The following BMPR1A variants were observed in gnomAD, a reference collection of about 807,000 sequenced individuals.
BMPR1A encodes bone morphogenetic protein receptor type-1A.
BMPR1A carries 7 observed loss-of-function variants against 66.0 expected under a neutral mutation model. The ratio of observed to expected loss-of-function variants is 0.11; its 90% CI spans 0.06 to 0.20. The LOEUF is 0.20. Ranked by LOEUF, BMPR1A falls within the 10% of genes least tolerant of loss-of-function variation. BMPR1A has a pLI of 1.00. For missense variants in BMPR1A, 408 were observed against 669.1 expected (o/e 0.61, Z 4.31); for synonymous variants, 200 against 229.7 (o/e 0.87, Z 1.17).
intron 3 of BMPR1A, among the ~76,000 whole-genome samples, chr10:86,880,153 A>C (rs4934279): frequency 0.52 from 78,807 of 152,012 alleles, 22,568 homozygotes; most frequent in East Asian, 0.78. Context: ...ATATCTTTGG[A>C]AGTACAGTTC....
At chr10:86,921,244 A>T (rs1028993264) in intron 10 of BMPR1A, among the ~76,000 whole-genome samples, 1 of 152,084 alleles carries the variant, frequency 6.6e-6, no homozygotes, top group Admixed American at 6.6e-5. Flanking sequence ...TGAGGTGTGT[A>T]TTGCCCTTAT....
At position 86,919,449 on chromosome 10, in the gene BMPR1A, C is replaced by G. The variant is rs786203626; in HGVS notation, c.1146C>G (p.Gly382=). 6.2e-7 allele frequency: 1 copy of G among 1,613,396 alleles called. No homozygotes were observed. Among genetic ancestry groups the G allele is most frequent in the East Asian group, 2.2e-5 (1 of 44,886 alleles). Residue 382 remains glycine, a synonymous_variant, in exon 10 of 13, where the codon GGC becomes GGG. Coordinates refer to ENST00000372037, the MANE Select transcript of BMPR1A (RefSeq NM_004329.3). ...GGAGTTGCTGCATTGCTGACCTGGG[C>G]CTTGCTGTTAAATTCAACAGGTGAG... is the stretch of plus-strand genomic sequence containing the variant. ...KNGSCCIADL[G]LAVKFNSDTN...
At chr10:86,801,961 C>G (rs1841817983) in intron 1 of BMPR1A, among the ~76,000 whole-genome samples, 1 of 151,954 alleles carries the variant, frequency 6.6e-6, no homozygotes, top group Non-Finnish European at 1.5e-5. Context: ...TGATCTGCCC[C>G]CCTCCGCCTT....
At chr10:86,877,654 T>C (rs1288403550) in intron 3 of BMPR1A, among the ~76,000 whole-genome samples, 2 of 152,244 alleles carry the variant, frequency 1.3e-5, no homozygotes, top group African/African-American at 4.8e-5. Context: ...AAAGCCACTT[T>C]TACTTGTGAA....
chr10:86,908,375 A>G (rs1843427072), intron 7 of BMPR1A, among the ~76,000 whole-genome samples: 2 of 152,236 alleles, frequency 1.3e-5, no homozygotes, highest in African/African-American at 4.8e-5. Flanking sequence ...ACATTGAAAT[A>G]AAGACATACT....
chr10:86,793,776 T>C (rs1337458794), intron 1 of BMPR1A, among the ~76,000 whole-genome samples: 4 of 152,214 alleles, frequency 2.6e-5, no homozygotes, highest in Non-Finnish European at 5.9e-5. Flanking sequence ...TATTATCTTA[T>C]GGTTCTGCAG....
chr10:86,778,747 C>T (rs931676315), intron 1 of BMPR1A, among the ~76,000 whole-genome samples: 3 of 151,198 alleles, frequency 2.0e-5, no homozygotes, highest in Non-Finnish European at 2.9e-5. Flanking sequence ...TCTCCCTGTC[C>T]CTCCCTTTCC....
chr10:86,831,463 T>C (rs1405726932), intron 1 of BMPR1A, among the ~76,000 whole-genome samples: 1 of 152,236 alleles, frequency 6.6e-6, no homozygotes, highest in African/African-American at 2.4e-5. Context: ...TTCTTTTTTA[T>C]ATAACAGTGG....
At chr10:86,855,872 C>A (rs1396476852) in intron 2 of BMPR1A, 2 of 728,086 alleles carry the variant, frequency 2.7e-6, no homozygotes, top group East Asian at 2.5e-5. Flanking sequence ...GCTGGAAGAA[C>A]AATTGCTAGA....
intron 2 of BMPR1A, among the ~76,000 whole-genome samples, chr10:86,847,986 C>T (rs1488377162): frequency 6.6e-6 from 1 of 151,038 alleles, no homozygotes; most frequent in African/African-American, 2.4e-5. Context: ...AGTTGGAGTA[C>T]AGTGGTGCCA....
intron 1 of BMPR1A, among the ~76,000 whole-genome samples, chr10:86,810,106 G>T (rs909579834): frequency 6.6e-6 from 1 of 151,932 alleles, no homozygotes; most frequent in Admixed American, 6.6e-5. Flanking sequence ...GAGTAGCTGA[G>T]ATTACAGGCG....
At chr10:86,845,170 T>C (rs1019691055) in intron 2 of BMPR1A, among the ~76,000 whole-genome samples, 2 of 152,194 alleles carry the variant, frequency 1.3e-5, no homozygotes, top group African/African-American at 4.8e-5. Context: ...GAAAAAGACT[T>C]ACTGGCTGAT....
intron 1 of BMPR1A, among the ~76,000 whole-genome samples, chr10:86,820,999 T>A (rs1842113852): frequency 6.6e-6 from 1 of 152,246 alleles, no homozygotes; most frequent in African/African-American, 2.4e-5. Flanking sequence ...TACCTATTGT[T>A]AAGCTCTAGG....
intron 1 of BMPR1A, among the ~76,000 whole-genome samples, chr10:86,790,220 T>TAAAA (rs1393212987): frequency 7.3e-5 from 4 of 54,698 alleles, no homozygotes; most frequent in African/African-American, 2.7e-4. Context: ...TATATATATA[T>TAAAA]ATATATATAT....
intron 2 of BMPR1A, among the ~76,000 whole-genome samples, chr10:86,850,366 A>T (rs1040411852): frequency 2.0e-5 from 3 of 151,804 alleles, no homozygotes; most frequent in African/African-American, 7.3e-5. Flanking sequence ...TATTTCCAGG[A>T]TGCTTAAATT....
At chr10:86,769,843 T>C (rs12269703) in intron 1 of BMPR1A, among the ~76,000 whole-genome samples, 2,544 of 152,274 alleles carry the variant, frequency 0.017, 77 homozygotes, top group African/African-American at 0.058. Flanking sequence ...TCTGTACCTA[T>C]TTGAGCAAAG....
chr10:86,866,409 T>TTCTTTTTTTTTC (rs1488500098), intron 2 of BMPR1A, among the ~76,000 whole-genome samples: 3,264 of 103,064 alleles, frequency 0.032, 193 homozygotes, highest in African/African-American at 0.1. Flanking sequence ...CTTTTTTTTT[T>TTCTTTTTTTTTC]TTTTTTTTTT....
chr10:86,837,247 C>CTGTGTGTGTGTCTGTG (rs1842364004), intron 1 of BMPR1A, among the ~76,000 whole-genome samples: 1 of 138,106 alleles, frequency 7.2e-6, no homozygotes, highest in East Asian at 2.1e-4. Context: ...GTGTGTGTGT[C>CTGTGTGTGTGTCTGTG]TGTGTGTGTG....
At chr10:86,851,372 A>G (rs1041134629) in intron 2 of BMPR1A, among the ~76,000 whole-genome samples, 1 of 152,208 alleles carries the variant, frequency 6.6e-6, no homozygotes, top group Non-Finnish European at 1.5e-5. Context: ...TTGTTTAGAA[A>G]TGTGCTAGAC....
Sources: gnomAD v4.1 joint callset for allele counts (sites outside exome capture counted in the v4.1 genomes callset) on GRCh38, gnomAD v4.1.1 for gene constraint, MANE v1.5 for transcripts, NCBI Gene and HGNC (gene_info 2026-07-23, HGNC 2026-07-21) for gene names.